GNPTAB: variants seen among roughly 807,000 people sequenced by gnomAD.
GNPTAB encodes N-acetylglucosamine-1-phosphate transferase subunits alpha and beta, also known as N-acetylglucosamine-1-phosphotransferase subunits alpha/beta.
Under a neutral mutation model 136.6 loss-of-function variants are expected in GNPTAB, and 92 were observed. The observed-to-expected ratio is 0.67, with a 90% CI of 0.57 to 0.80. The LOEUF (loss-of-function observed/expected upper bound fraction) is 0.80, where lower values mean the gene tolerates loss of function less well. Ranked by LOEUF, GNPTAB falls within the 30% of genes least tolerant of loss-of-function variation. The pLI is 0.00. For missense variants in GNPTAB, 1,343 were observed against 1,501.8 expected (o/e 0.89, Z 1.75); for synonymous variants, 512 against 535.1 (o/e 0.96, Z 0.60).
At chr12:101,826,196 C>G (rs1377620018) in intron 1 of GNPTAB, among the ~76,000 whole-genome samples, 1 of 152,164 alleles carries the variant, frequency 6.6e-6, no homozygotes, top group Non-Finnish European at 1.5e-5. Flanking sequence ...AACAGAAAAG[C>G]AGGAAAGCAA....
chr12:101,756,579 AAT>A, intron 18 of GNPTAB: 3 of 257,900 alleles, frequency 1.2e-5, no homozygotes, highest in Non-Finnish European at 2.4e-5. Context: ...GTCTCAAAAA[AAT>A]ATAGTTTATA....
At chr12:101,769,982 C>T (rs766682296) in intron 10 of GNPTAB, 39 bp downstream of exon 10, 1 of 1,593,926 alleles carries the variant, frequency 6.3e-7, no homozygotes, top group Admixed American at 1.7e-5. Flanking sequence ...TGCTAAGTGA[C>T]TTCCACGCTA....
intron 10 of GNPTAB, 97 bp from the exon 11 acceptor site, chr12:101,768,257 T>G: frequency 7.2e-7 from 1 of 1,386,260 alleles, no homozygotes; most frequent in African/African-American, 1.4e-5. Context: ...ATTAAGTCTC[T>G]AGAAAGATTA....
chr12:101,807,823 A>C (rs1036664402), intron 1 of GNPTAB, among the ~76,000 whole-genome samples: 1 of 152,144 alleles, frequency 6.6e-6, no homozygotes, highest in Non-Finnish European at 1.5e-5. Context: ...CCAGCTACTC[A>C]GTGGACTGAG....
At chr12:101,803,959 T>C (rs1405952386) in intron 1 of GNPTAB, among the ~76,000 whole-genome samples, 1 of 151,966 alleles carries the variant, frequency 6.6e-6, no homozygotes, top group Non-Finnish European at 1.5e-5. Context: ...TGTCTAGGCA[T>C]GGTGGCTCGT....
Position 101,764,784 on chromosome 12 carries a change from G to A in GNPTAB, c.2133C>T (p.Leu711=), listed in dbSNP as rs976305877. The A allele has an allele frequency of 1.2e-6, 2 of 1,614,196 alleles. No homozygotes were observed. Among genetic ancestry groups the A allele is most frequent in the Non-Finnish European group, 8.5e-7 (1 of 1,180,028 alleles). ...SLLPKDAQLS[L]NTLDLQLEHG... is the part of the protein sequence containing the mutation. ...GTTCCAGTTGCAAATCCAAGGTATT[G>A]AGACTCAACTGGGCGTCTTTTGGAA... The change falls in exon 13 of 21, where the codon CTC becomes CTT. Residue 711 remains leucine, a synonymous_variant. Transcript: ENST00000299314.
At position 101,820,597 on chromosome 12, in the gene GNPTAB, A is replaced by G. The variant is rs535841984; in HGVS notation, c.117+9962T>C. 1.2e-4 allele frequency among the ~76,000 whole-genome samples: 18 copies of G among 152,314 alleles called. No individual in the cohort carries two copies. In the South Asian group the frequency reaches 1.9e-3, roughly 16 times the overall value. On this transcript the variant is annotated intron_variant, in intron 1 of 20. Transcript: ENST00000299314. ...CTTCTACCCACTAAATGCCAGTAGCATCAACCCCATGCCATGCCCCAGCTG... is the reference window on the plus strand; with the variant it reads ...CTTCTACCCACTAAATGCCAGTAGCGTCAACCCCATGCCATGCCCCAGCTG...
intron 1 of GNPTAB, among the ~76,000 whole-genome samples, chr12:101,820,201 T>G (rs773769939): frequency 6.6e-6 from 1 of 152,198 alleles, no homozygotes; most frequent in Non-Finnish European, 1.5e-5. Flanking sequence ...AAAAATAAAT[T>G]TTGATGCTTA....
chr12:101,776,055 G>A (rs1953258723), intron 7 of GNPTAB, among the ~76,000 whole-genome samples: 2 of 151,542 alleles, frequency 1.3e-5, no homozygotes, highest in South Asian at 2.1e-4. Context: ...CACACACGCT[G>A]CTTCCAAAAT....
intron 1 of GNPTAB, among the ~76,000 whole-genome samples, chr12:101,828,140 GATAAT>G (rs1347465508): frequency 6.6e-6 from 1 of 152,186 alleles, no homozygotes; most frequent in African/African-American, 2.4e-5. Context: ...TAAAAGAGTT[GATAAT>G]ATAATAGCAG....
At chr12:101,784,776 A>C (rs2137142798) in intron 5 of GNPTAB, among the ~76,000 whole-genome samples, 1 of 152,168 alleles carries the variant, frequency 6.6e-6, no homozygotes, top group Non-Finnish European at 1.5e-5. Context: ...TTAAGCTGGG[A>C]GGTATGACAC....
chr12:101,770,343 T>C, intron 9 of GNPTAB, 63 bp downstream of exon 9: 2 of 1,400,896 alleles, frequency 1.4e-6, no homozygotes, highest in Non-Finnish European at 2.0e-6. Context: ...TGGAAATCCC[T>C]GTACCACACT....
intron 1 of GNPTAB, among the ~76,000 whole-genome samples, chr12:101,819,718 A>C (rs991987423): frequency 1.3e-5 from 2 of 152,208 alleles, no homozygotes; most frequent in South Asian, 4.1e-4. Context: ...TAGGCTGACT[A>C]ATCAACTGCT....
Position 101,753,499 on chromosome 12 carries a change from T to C in GNPTAB, c.3475A>G (p.Lys1159Glu). 6.2e-7 allele frequency: 1 copy of C among 1,613,998 alleles called. No individual in the cohort carries two copies. Among genetic ancestry groups the C allele is most frequent in the Non-Finnish European group, 8.5e-7 (1 of 1,179,878 alleles). ...ACAGCCTTCACTGTCTGAGCATCTTTATGATTGTGGTCAATGTTGTCATTC... is the reference window on the plus strand; with the variant it reads ...ACAGCCTTCACTGTCTGAGCATCTTCATGATTGTGGTCAATGTTGTCATTC... ...CLNDNIDHNH[K>E]DAQTVKAVLR... Residue 1159 changes from lysine (K) to glutamate (E), a missense_variant, in exon 19 of 21, where the codon AAA becomes GAA. Transcript: ENST00000299314.
chr12:101,759,082 C>T (rs895576090), intron 16 of GNPTAB, among the ~76,000 whole-genome samples: 8 of 151,762 alleles, frequency 5.3e-5, no homozygotes, highest in Non-Finnish European at 2.9e-5. Flanking sequence ...AAGAATTTTT[C>T]GCTGGGTGCA....
chr12:101,767,193 ACT>A (rs373633118), intron 11 of GNPTAB, among the ~76,000 whole-genome samples: 5 of 151,280 alleles, frequency 3.3e-5, no homozygotes, highest in African/African-American at 4.8e-5. Flanking sequence ...GTACATACTT[ACT>A]CTCTCTCTCT....
At chr12:101,786,253 C>CTTGAAA in intron 4 of GNPTAB, 36 bp from the exon 5 acceptor site, 2 of 1,529,170 alleles carry the variant, frequency 1.3e-6, no homozygotes, top group South Asian at 2.3e-5. Context: ...CAATTACATT[C>CTTGAAA]TTGAAATTTA....
At chr12:101,765,960 G>A (rs1594215471) in intron 12 of GNPTAB, 131 bp downstream of exon 12, 4 of 801,522 alleles carry the variant, frequency 5.0e-6, no homozygotes, top group Non-Finnish European at 8.7e-6. Context: ...TTCATAACTA[G>A]TTTGAATGCA....
In GNPTAB at chr12:101,768,143, A is replaced by C. The variant is rs113038721; in HGVS notation, c.1302T>G (p.Pro434=). Residue 434 remains proline (P), a synonymous_variant, in exon 11 of 21, where the codon CCT becomes CCG. Transcript: ENST00000299314. ...GGCAGCCCTCGGCACAGTTTGGCAC[A>C]GGCCATGTCAAATAAACCTACGATA... ...SKGQKVYLTW[P]VPNCAEGCPG... The C allele has an allele frequency of 3.8e-5, 61 of 1,614,200 alleles. No individual in the cohort carries two copies. The African/African-American group carries it at 6.7e-4, about 18-fold the overall frequency.
Sources: gnomAD v4.1 joint callset for allele counts (sites outside exome capture counted in the v4.1 genomes callset) on GRCh38, gnomAD v4.1.1 for gene constraint, MANE v1.5 for transcripts, NCBI Gene and HGNC (gene_info 2026-07-23, HGNC 2026-07-21) for gene names.